Variants in APOLD1 observed in about 807,000 individuals in gnomAD.
APOLD1 encodes the protein apolipoprotein L domain containing 1, also known as apolipoprotein L domain-containing protein 1.
In APOLD1, 22 loss-of-function variants were observed where a neutral mutation model predicts 15.3. The observed-to-expected ratio is 1.44, with a 90% CI of 1.03 to 2.05. The LOEUF (loss-of-function observed/expected upper bound fraction) is 2.05. APOLD1 is among the 30% of genes most tolerant of loss of function. The pLI is 0.00. For synonymous variants in APOLD1, 190 were observed against 167.4 expected (o/e 1.13, Z -1.04); for missense variants, 394 against 353.5 (o/e 1.11, Z -0.92).
At position 12,728,491 on chromosome 12, in the gene APOLD1, C is replaced by T. The variant is rs138914718; in HGVS notation, c.96+2395C>T. 4.4e-3 allele frequency among the ~76,000 whole-genome samples: 673 copies of T among 151,598 alleles called. 8 individuals carry two copies. Among genetic ancestry groups the T allele is most frequent in the African/African-American group, 0.015 (630 of 41,306 alleles). Reference sequence around the variant, plus strand: ...GACCAGCCTGGGCAACATGGTGAAACCCCGTTTCTACAAAAAACAAAAAAA... The same window carrying T: ...GACCAGCCTGGGCAACATGGTGAAATCCCGTTTCTACAAAAAACAAAAAAA... On this transcript the variant is annotated intron_variant, in intron 1 of 1. Transcript: ENST00000326765.
rs749843349 is a variant in APOLD1, at chr12:12,730,026, TTGTGTGTGTGTGTGTG to T, written c.96+3967_96+3982del. 2.5e-3 allele frequency among the ~76,000 whole-genome samples: 300 copies of T among 117,804 alleles called. 1 individual carries two copies. Among genetic ancestry groups the T allele is most frequent in the African/African-American group, 3.8e-3 (111 of 29,294 alleles). 77.3% of individuals were successfully genotyped at this position (117,804 alleles called of 152,430 possible). On this transcript the variant is annotated intron_variant, in intron 1 of 1. Transcript: ENST00000326765. The stretch of plus-strand genomic sequence containing the variant: ...TGCACACCACCATGCCCAGCTAACT[TTGTGTGTGTGTGTGTG>T]TGTGTGTGTGTGTGTGTGTGTGTGT...
At chr12:12,748,694 GA>G (rs1946784052) in intron 1 of APOLD1, among the ~76,000 whole-genome samples, 1 of 151,736 alleles carries the variant, frequency 6.6e-6, no homozygotes, top group African/African-American at 2.4e-5. Flanking sequence ...AAGATAATGG[GA>G]AAAGCCACTG....
chr12:12,771,690 C>G, intron 1 of APOLD1: 1 of 448,990 alleles, frequency 2.2e-6, no homozygotes. Context: ...CCTCAAAGAG[C>G]CAAGGGTTGG....
At chr12:12,741,604 T>C (rs968267939) in intron 1 of APOLD1, among the ~76,000 whole-genome samples, 16 of 152,212 alleles carry the variant, frequency 1.1e-4, no homozygotes, top group Admixed American at 4.6e-4. Flanking sequence ...TTTTGAGTTA[T>C]AGCTCCCTGA....
chr12:12,726,051 G>C, exon 1 of APOLD1: 1 of 1,540,966 alleles, frequency 6.5e-7, no homozygotes, highest in Non-Finnish European at 8.8e-7. Context: ...CTCGGAAGGC[G>C]CGGGCAGGAG....
Position 12,787,304 on chromosome 12 carries a change from G to A in APOLD1, c.399G>A (p.Glu133=), listed in dbSNP as rs1376467433. 3.7e-6 allele frequency: 6 copies of A among 1,611,928 alleles called. No individual in the cohort carries two copies. The highest frequency in any genetic ancestry group is 5.1e-6 in the Non-Finnish European group (6 of 1,179,478). Residue 133 remains glutamate, a synonymous_variant, in exon 2 of 2, where the codon GAG becomes GAA. Transcript: ENST00000356591. The surrounding 1 kb of genome is among the most constrained non-coding windows in gnomAD (Gnocchi z 4.9). ...CCACCTGCCAGGACCAGATGCGAGA[G>A]ATCCTGAGCTGCCTCGAGTTTTTCT... The part of the protein sequence containing the change: ...IAATCQDQMR[E]ILSCLEFFCR...
intron 1 of APOLD1, chr12:12,764,711 G>A (rs750266716): frequency 2.0e-6 from 1 of 505,678 alleles, no homozygotes; most frequent in East Asian, 5.7e-5. Flanking sequence ...AATACAGTAG[G>A]AATGTTCCTT....
chr12:12,781,755 C>T (rs1048782618), upstream of APOLD1, among the ~76,000 whole-genome samples: 1 of 151,352 alleles, frequency 6.6e-6, no homozygotes, highest in African/African-American at 2.4e-5. Context: ...TCTCGACCTC[C>T]TGACCTCATG....
At chr12:12,757,749 CT>C (rs936781840) in intron 1 of APOLD1, among the ~76,000 whole-genome samples, 20 of 151,808 alleles carry the variant, frequency 1.3e-4, no homozygotes, top group African/African-American at 4.6e-4. Flanking sequence ...AATTCAATGG[CT>C]TTTGGCTTAT....
At chr12:12,750,720 A>C (rs1485765981) in intron 1 of APOLD1, among the ~76,000 whole-genome samples, 1 of 152,146 alleles carries the variant, frequency 6.6e-6, no homozygotes, top group Non-Finnish European at 1.5e-5. Flanking sequence ...AACATAATAA[A>C]AATTAGTAAT....
intron 1 of APOLD1, among the ~76,000 whole-genome samples, chr12:12,755,265 C>T (rs930771107): frequency 2.0e-5 from 3 of 152,040 alleles, no homozygotes; most frequent in African/African-American, 7.2e-5. Context: ...AGATCCCTAG[C>T]TCACTTCATA....
At chr12:12,786,572 C>T (rs547686933) in intron 1 of APOLD1, 31 of 804,844 alleles carry the variant, frequency 3.9e-5, no homozygotes, top group Non-Finnish European at 4.7e-5. Context: ...ACTGGAGAAG[C>T]CTTCTAATAC....
intron 1 of APOLD1, among the ~76,000 whole-genome samples, chr12:12,757,716 CA>C (rs1301266268): frequency 6.6e-6 from 1 of 151,578 alleles, no homozygotes; most frequent in Non-Finnish European, 1.5e-5. Context: ...ACGTAACATA[CA>C]ATTCACTTAT....
At chr12:12,761,861 A>AGAGAGAGAGAGAGAGAGT (rs1465812728) in intron 1 of APOLD1, among the ~76,000 whole-genome samples, 2 of 145,416 alleles carry the variant, frequency 1.4e-5, no homozygotes, top group Non-Finnish European at 3.0e-5. Context: ...AGAGAGAGAG[A>AGAGAGAGAGAGAGAGAGT]GTCTTGCTCT....
intron 1 of APOLD1, among the ~76,000 whole-genome samples, chr12:12,754,017 C>G (rs566036884): frequency 1.3e-5 from 2 of 151,518 alleles, no homozygotes; most frequent in Non-Finnish European, 2.9e-5. Flanking sequence ...GAGTTTGAGA[C>G]CAGCCTGGCC....
intron 1 of APOLD1, among the ~76,000 whole-genome samples, chr12:12,756,594 C>G (rs999222390): frequency 1.1e-4 from 16 of 152,060 alleles, no homozygotes; most frequent in African/African-American, 1.4e-4. Context: ...TGTTGTGCAA[C>G]CATCACCACT....
At chr12:12,782,385 T>TA (rs1947088222), upstream of APOLD1, among the ~76,000 whole-genome samples, 5 of 152,330 alleles carry the variant, frequency 3.3e-5, no homozygotes, top group South Asian at 1.0e-3. Flanking sequence ...CCTCTTGAAT[T>TA]AGACTCTCCA....
At chr12:12,761,806 A>ATATATATAT (rs1565432721) in intron 1 of APOLD1, among the ~76,000 whole-genome samples, 7 of 97,868 alleles carry the variant, frequency 7.2e-5, no homozygotes, top group African/African-American at 2.7e-4. Flanking sequence ...TATATACATG[A>ATATATATAT]ACATATACAT....
chr12:12,774,997 C>A (rs1947020953), intron 1 of APOLD1, among the ~76,000 whole-genome samples: 1 of 152,236 alleles, frequency 6.6e-6, no homozygotes, highest in Non-Finnish European at 1.5e-5. Flanking sequence ...AAAAGCTACA[C>A]ACAGATGCTT....
Sources: allele counts gnomAD v4.1 joint callset (sites outside exome capture counted in the v4.1 genomes callset), GRCh38; gene constraint gnomAD v4.1.1; non-coding constraint Gnocchi (gnomAD v3.1); transcripts MANE v1.5; gene names NCBI Gene and HGNC (gene_info 2026-07-23, HGNC 2026-07-21).